Variants in ADGRV1 observed in about 807,000 individuals in gnomAD.
ADGRV1 encodes the protein adhesion G protein-coupled receptor V1, also known as G-protein coupled receptor 98.
Under a neutral mutation model 596.2 loss-of-function variants are expected in ADGRV1, and 359 were observed. That is an observed-to-expected ratio of 0.60 (90% CI 0.55 to 0.66). The LOEUF (loss-of-function observed/expected upper bound fraction) is 0.66. Ranked by LOEUF, ADGRV1 falls within the 30% of genes least tolerant of loss-of-function variation. The probability of loss-of-function intolerance (pLI) is 0.00; values close to 1 mark genes in which losing one functional copy is unlikely to be tolerated. For synonymous variants in ADGRV1, 2,681 were observed against 2,679.2 expected (o/e 1.00, Z -0.02); for missense variants, 7,274 against 7,575.6 (o/e 0.96, Z 1.48).
At chr5:90,838,530 A>G (rs1283473759) in intron 77 of ADGRV1, among the ~76,000 whole-genome samples, 1 of 152,206 alleles carries the variant, frequency 6.6e-6, no homozygotes, top group Non-Finnish European at 1.5e-5. Context: ...AGACCCATGT[A>G]TCTGATTGCT....
At chr5:90,940,521 G>A (rs1005572418) in intron 83 of ADGRV1, among the ~76,000 whole-genome samples, 5 of 152,188 alleles carry the variant, frequency 3.3e-5, no homozygotes, top group African/African-American at 1.2e-4. Flanking sequence ...AAACATATAT[G>A]CACTGGGTAT....
chr5:90,616,167 A>T (rs932260046), intron 2 of ADGRV1, among the ~76,000 whole-genome samples: 1 of 152,036 alleles, frequency 6.6e-6, no homozygotes, highest in African/African-American at 2.4e-5. Context: ...ATTTATTGTT[A>T]TGTATGAGAA....
chr5:90,960,147 A>C (rs894127019), intron 83 of ADGRV1, among the ~76,000 whole-genome samples: 15 of 146,060 alleles, frequency 1.0e-4, no homozygotes, highest in East Asian at 4.3e-4. Context: ...CAAAAAAAAA[A>C]AAAAAACAAA....
At chr5:91,146,309 T>C (rs2126872344) in intron 87 of ADGRV1, among the ~76,000 whole-genome samples, 1 of 152,272 alleles carries the variant, frequency 6.6e-6, no homozygotes, top group East Asian at 1.9e-4. Flanking sequence ...CCATTAGAAG[T>C]ATACAGTAGA....
intron 84 of ADGRV1, among the ~76,000 whole-genome samples, chr5:90,974,208 A>T (rs1779337849): frequency 6.6e-6 from 1 of 152,246 alleles, no homozygotes; most frequent in African/African-American, 2.4e-5. Context: ...GAGGACACAA[A>T]GAAATGGAAG....
intron 85 of ADGRV1, among the ~76,000 whole-genome samples, chr5:91,019,863 A>T (rs1783488835): frequency 6.6e-6 from 1 of 151,990 alleles, no homozygotes; most frequent in Non-Finnish European, 1.5e-5. Context: ...TCTGGTGCAG[A>T]ACATTTTTCA....
chr5:91,055,861 C>T (rs1671922896), intron 85 of ADGRV1, among the ~76,000 whole-genome samples: 2 of 152,146 alleles, frequency 1.3e-5, no homozygotes, highest in Admixed American at 6.6e-5. Context: ...TATAACTAAA[C>T]ACATCTTTAT....
At chr5:90,613,783 G>A (rs1469887198) in intron 1 of ADGRV1, among the ~76,000 whole-genome samples, 2 of 152,040 alleles carry the variant, frequency 1.3e-5, no homozygotes, top group Non-Finnish European at 2.9e-5. Context: ...AAATATATCA[G>A]GAACTCATAT....
chr5:90,572,884 C>T (rs1756727357), intron 1 of ADGRV1, among the ~76,000 whole-genome samples: 2 of 152,058 alleles, frequency 1.3e-5, no homozygotes, highest in African/African-American at 4.8e-5. Flanking sequence ...AGAATGTATT[C>T]ATGCCCTTCC....
At chr5:90,714,922 A>G (rs545301760) in intron 42 of ADGRV1, among the ~76,000 whole-genome samples, 2 of 152,240 alleles carry the variant, frequency 1.3e-5, no homozygotes, top group African/African-American at 4.8e-5. Flanking sequence ...TATCTCACCT[A>G]TTCCTTAAAA....
chr5:90,848,739 G>A lies in ADGRV1; in HGVS notation c.17122G>A (p.Gly5708Arg). The A allele has an allele frequency of 1.3e-6, 2 of 1,591,798 alleles. No homozygotes were observed. The highest frequency in any genetic ancestry group is 1.7e-6 in the Non-Finnish European group (2 of 1,171,176). Reference protein sequence around the residue: ...LINPKRKDTRGFSHFAEVTEN... With the variant: ...LINPKRKDTRRFSHFAEVTEN... ...TAACCCAAAGCGCAAGGACACTAGG[G>A]GATTCAGTCACTTTGCTGAAGTGAC... is the stretch of plus-strand genomic sequence containing the variant. The change falls in exon 79 of 90, where the codon GGA becomes AGA. Residue 5708 changes from glycine to arginine, a missense_variant. Gly to Arg is a moderately radical substitution (Grantham distance 125). This residue lies in a region of ADGRV1 where 1,874 missense variants were observed against 1,970.2 expected (regional missense o/e 0.95). Transcript: ENST00000405460.
At chr5:90,652,251 C>A in intron 18 of ADGRV1, 95 bp from the exon 19 acceptor site, 5 of 873,498 alleles carry the variant, frequency 5.7e-6, no homozygotes, top group Non-Finnish European at 8.5e-6. Flanking sequence ...TCTTTTAAGA[C>A]AATAGATAGT....
chr5:90,679,522 G>A (rs749303779), intron 25 of ADGRV1, 27 bp from the exon 26 acceptor site: 16 of 1,556,572 alleles, frequency 1.0e-5, no homozygotes, highest in Admixed American at 5.0e-5. Context: ...TGTTGTGTGG[G>A]TTGTGTCTCT....
chr5:91,070,986 G>C (rs1015945061), intron 85 of ADGRV1, among the ~76,000 whole-genome samples: 7 of 152,132 alleles, frequency 4.6e-5, no homozygotes, highest in African/African-American at 1.7e-4. Context: ...GTTTCCAAAG[G>C]ATTCTGGAGC....
chr5:90,889,791 A>G (rs2150576176), intron 83 of ADGRV1, among the ~76,000 whole-genome samples: 1 of 152,276 alleles, frequency 6.6e-6, no homozygotes, highest in Non-Finnish European at 1.5e-5. Flanking sequence ...TCATATGAGG[A>G]TAATTGTCCT....
chr5:90,635,613 G>A (rs9293548), intron 10 of ADGRV1, among the ~76,000 whole-genome samples: 2,731 of 150,328 alleles, frequency 0.018, 79 homozygotes, highest in African/African-American at 0.063. Flanking sequence ...TTTTCTTTGA[G>A]AGAGGATTTT....
chr5:91,071,914 G>A (rs1023416048), intron 85 of ADGRV1, among the ~76,000 whole-genome samples: 1 of 151,894 alleles, frequency 6.6e-6, no homozygotes, highest in Non-Finnish European at 1.5e-5. Context: ...TGATCTCAGG[G>A]GATCTGCCTG....
intron 45 of ADGRV1, among the ~76,000 whole-genome samples, chr5:90,722,501 G>A (rs1314861973): frequency 1.3e-5 from 2 of 150,878 alleles, no homozygotes; most frequent in East Asian, 3.9e-4. Flanking sequence ...ACCTGGGGTC[G>A]GGAGTTTCAG....
chr5:90,560,148 C>G (rs1754627298), intron 1 of ADGRV1, among the ~76,000 whole-genome samples: 1 of 152,152 alleles, frequency 6.6e-6, no homozygotes, highest in Admixed American at 6.5e-5. Flanking sequence ...ATTCACCCAT[C>G]CTTCCAGGCA....
Sources: gnomAD v4.1 joint callset for allele counts (sites outside exome capture counted in the v4.1 genomes callset) on GRCh38, gnomAD v4.1.1 for gene constraint, gnomAD v4.1.1 regional missense constraint, MANE v1.5 for transcripts, NCBI Gene and HGNC (gene_info 2026-07-23, HGNC 2026-07-21) for gene names.